Variants in KDM4C observed in about 807,000 individuals in gnomAD.
KDM4C encodes the protein lysine demethylase 4C, also known as lysine-specific demethylase 4C.
Under a neutral mutation model 129.3 loss-of-function variants are expected in KDM4C, and 81 were observed. That is an observed-to-expected ratio of 0.63 (90% CI 0.52 to 0.75). The LOEUF is 0.75. Among genes scored for constraint, KDM4C ranks in the 30% least tolerant of loss-of-function variants. KDM4C has a pLI of 0.00. For synonymous variants in KDM4C, 573 were observed against 456.1 expected (o/e 1.26, Z -3.26); for missense variants, 1,457 against 1,304.0 (o/e 1.12, Z -1.81).
At chr9:6,834,542 G>A (rs934660856) in intron 4 of KDM4C, 17 of 685,504 alleles carry the variant, frequency 2.5e-5, no homozygotes, top group East Asian at 5.5e-5. Flanking sequence ...ACCCCCGGCC[G>A]TCTTCCCCTT....
chr9:6,843,700 G>T (rs926310505), intron 4 of KDM4C, among the ~76,000 whole-genome samples: 1 of 152,134 alleles, frequency 6.6e-6, no homozygotes, highest in African/African-American at 2.4e-5. Flanking sequence ...GTGCAGCATG[G>T]TGCTATTCTG....
intron 8 of KDM4C, among the ~76,000 whole-genome samples, chr9:6,935,232 A>G (rs1008475781): frequency 1.3e-5 from 2 of 152,172 alleles, no homozygotes; most frequent in African/African-American, 4.8e-5. Flanking sequence ...AAAAATCTCA[A>G]TAATTTAGGC....
chr9:7,063,917 T>G (rs1273090217), intron 17 of KDM4C, among the ~76,000 whole-genome samples: 1 of 152,230 alleles, frequency 6.6e-6, no homozygotes, highest in Admixed American at 6.5e-5. Context: ...GAGGGAGCTC[T>G]GAGTCTCAAG....
chr9:6,918,029 T>G (rs539165325), intron 8 of KDM4C, among the ~76,000 whole-genome samples: 1 of 152,320 alleles, frequency 6.6e-6, no homozygotes, highest in Admixed American at 6.5e-5. Context: ...AATATAAACT[T>G]TTATTTTAGG....
intron 3 of KDM4C, among the ~76,000 whole-genome samples, chr9:6,807,813 C>CAGG (rs1830334137): frequency 1.3e-5 from 2 of 149,030 alleles, no homozygotes. Flanking sequence ...AGCCCCCCGC[C>CAGG]CGGCCAGCCG....
At chr9:6,945,462 A>T (rs545903223) in intron 8 of KDM4C, among the ~76,000 whole-genome samples, 4 of 152,246 alleles carry the variant, frequency 2.6e-5, no homozygotes, top group Non-Finnish European at 5.9e-5. Flanking sequence ...TTATTTGCCT[A>T]AATGTTTGTA....
chr9:6,811,196 C>A (rs2131100902), intron 3 of KDM4C, among the ~76,000 whole-genome samples: 1 of 152,178 alleles, frequency 6.6e-6, no homozygotes, highest in Non-Finnish European at 1.5e-5. Context: ...CTCTGTTGCC[C>A]AGGATGGAGT....
intron 15 of KDM4C, among the ~76,000 whole-genome samples, chr9:7,045,576 A>G (rs1027338870): frequency 2.6e-5 from 4 of 152,038 alleles, no homozygotes; most frequent in Admixed American, 6.6e-5. Flanking sequence ...GTTATTCCAA[A>G]GGCCTCTAGG....
intron 8 of KDM4C, among the ~76,000 whole-genome samples, chr9:6,970,538 T>C (rs1458805293): frequency 3.3e-5 from 5 of 152,180 alleles, no homozygotes; most frequent in African/African-American, 1.2e-4. Context: ...CCAATATACA[T>C]TTCATAGAGA....
intron 18 of KDM4C, chr9:7,104,130 C>G (rs1587660279): frequency 2.4e-6 from 1 of 417,842 alleles, no homozygotes; most frequent in East Asian, 4.4e-5. Context: ...ATGCAGAAAA[C>G]TCTCCATGCC....
At chr9:7,106,652 A>G (rs376891688) in intron 18 of KDM4C, among the ~76,000 whole-genome samples, 7 of 152,096 alleles carry the variant, frequency 4.6e-5, no homozygotes, top group East Asian at 1.9e-4. Context: ...AGTGTCATAA[A>G]TTATTATTTT....
chr9:6,727,765 C>G (rs879114766), intron 1 of KDM4C, among the ~76,000 whole-genome samples: 1 of 146,126 alleles, frequency 6.8e-6, no homozygotes, highest in Non-Finnish European at 1.5e-5. Context: ...TACAAACAAG[C>G]TAGCTATTAG....
intron 18 of KDM4C, among the ~76,000 whole-genome samples, chr9:7,117,637 AC>A (rs1839052767): frequency 7.2e-6 from 1 of 138,448 alleles, no homozygotes; most frequent in Non-Finnish European, 1.5e-5. Flanking sequence ...ACACACACAC[AC>A]ACACACACAC....
chr9:6,996,177 T>C (rs1187258073), intron 12 of KDM4C, among the ~76,000 whole-genome samples: 1 of 152,210 alleles, frequency 6.6e-6, no homozygotes, highest in Non-Finnish European at 1.5e-5. Flanking sequence ...TGATTCACAC[T>C]CACAAATGTT....
chr9:7,169,340 T>G (rs1844724165), intron 20 of KDM4C, among the ~76,000 whole-genome samples: 1 of 152,216 alleles, frequency 6.6e-6, no homozygotes, highest in African/African-American at 2.4e-5. Flanking sequence ...GTTTATTTAT[T>G]TATTTTTTTG....
intron 8 of KDM4C, among the ~76,000 whole-genome samples, chr9:6,929,728 C>T (rs1161294028): frequency 6.6e-6 from 1 of 151,980 alleles, no homozygotes; most frequent in East Asian, 1.9e-4. Flanking sequence ...GTGTATTTGA[C>T]CCCAACTTCT....
chr9:6,747,166 C>G (rs911446542), intron 1 of KDM4C, among the ~76,000 whole-genome samples: 2 of 151,622 alleles, frequency 1.3e-5, no homozygotes, highest in Non-Finnish European at 1.5e-5. Flanking sequence ...GCACTTCAGC[C>G]CGGGTGATAG....
At chr9:6,957,456 C>T (rs1829264783) in intron 8 of KDM4C, among the ~76,000 whole-genome samples, 1 of 152,074 alleles carries the variant, frequency 6.6e-6, no homozygotes, top group African/African-American at 2.4e-5. Flanking sequence ...AAGAAACCTG[C>T]CTTTTGGCCA....
Position 7,170,550 on chromosome 9 carries a change from A to G in KDM4C, c.2994+660A>G, listed in dbSNP as rs550257592. ...CAGTCATTGAAAAATATAATTCACA[A>G]TAATTTAGACTTCATATTATTGTAT... On this transcript the variant is annotated intron_variant, in intron 21 of 21. Coordinates refer to ENST00000381309, the MANE Select transcript of KDM4C (RefSeq NM_015061.6). 55 of 963,828 alleles carry G rather than the reference A, an allele frequency of 5.7e-5. No individual in the cohort carries two copies. The African/African-American group carries it at 6.9e-4, about 12-fold the overall frequency. 59.7% of individuals were successfully genotyped at this position (963,828 alleles called of 1,614,324 possible).
Sources: gnomAD v4.1 joint callset for allele counts (sites outside exome capture counted in the v4.1 genomes callset) on GRCh38, gnomAD v4.1.1 for gene constraint, MANE v1.5 for transcripts, NCBI Gene and HGNC (gene_info 2026-07-23, HGNC 2026-07-21) for gene names.